COG6: variants seen among roughly 807,000 people sequenced by gnomAD.
COG6 encodes the protein conserved oligomeric Golgi complex subunit 6.
A neutral mutation model predicts 88.8 loss-of-function variants in COG6; 74 were observed. The observed-to-expected ratio is 0.83, with a 90% CI of 0.69 to 1.01. The LOEUF (loss-of-function observed/expected upper bound fraction) is 1.01, where lower values mean the gene tolerates loss of function less well. COG6 is among the 50% of genes least tolerant of loss of function. The pLI, the probability that COG6 is intolerant of heterozygous loss-of-function variation, is 0.00. For missense variants in COG6, 800 were observed against 797.9 expected (o/e 1.00, Z -0.03); for synonymous variants, 286 against 278.7 (o/e 1.03, Z -0.26).
Position 39,679,959 on chromosome 13 carries a change from ATT to A in COG6, c.624-15_624-14del. On this transcript the variant is annotated splice_polypyrimidine_tract_variant and intron_variant, in intron 6 of 18. Transcript: ENST00000455146. ...GTTGACTAAAGTTTAAATTATAATC[ATT>A]AATTTTTTTTTAGTTTAGAAATTAT... is the stretch of plus-strand genomic sequence containing the variant. The A allele has an allele frequency of 7.4e-7, 1 of 1,354,718 alleles. No homozygotes were observed. Among genetic ancestry groups the A allele is most frequent in the Non-Finnish European group, 1.0e-6 (1 of 956,456 alleles). The allele number at this position is 1,354,718 out of a possible 1,614,324, so 83.9% of individuals were successfully genotyped here.
intron 13 of COG6, among the ~76,000 whole-genome samples, chr13:39,704,434 A>G (rs1232096274): frequency 6.6e-6 from 1 of 152,164 alleles, no homozygotes; most frequent in Non-Finnish European, 1.5e-5. Context: ...GTGAAAGGAA[A>G]ATGTTATTAA....
intron 16 of COG6, among the ~76,000 whole-genome samples, chr13:39,723,946 A>G (rs1484589139): frequency 6.6e-6 from 1 of 152,038 alleles, no homozygotes; most frequent in Non-Finnish European, 1.5e-5. Context: ...TTATTAAATT[A>G]TAGAACCCTA....
At chr13:39,779,818 A>C (rs1219889357) in intron 18 of COG6, among the ~76,000 whole-genome samples, 1 of 152,050 alleles carries the variant, frequency 6.6e-6, no homozygotes, top group Non-Finnish European at 1.5e-5. Context: ...CCTCAATTTC[A>C]CCTCTGAGAA....
chr13:39,707,370 G>A (rs966204923), intron 13 of COG6, among the ~76,000 whole-genome samples: 4 of 151,452 alleles, frequency 2.6e-5, no homozygotes, highest in African/African-American at 9.7e-5. Flanking sequence ...CTCATGATCC[G>A]CCCGCCTCAG....
At chr13:39,781,441 GTTTT>G (rs34052593) in intron 18 of COG6, among the ~76,000 whole-genome samples, 1 of 142,138 alleles carries the variant, frequency 7.0e-6, no homozygotes. Context: ...AATGCGGAGG[GTTTT>G]TTTTTTTTTT....
chr13:39,734,833 C>G (rs534489980), intron 18 of COG6, among the ~76,000 whole-genome samples: 66 of 152,038 alleles, frequency 4.3e-4, no homozygotes, highest in African/African-American at 1.6e-3. Flanking sequence ...CTGAATTTAC[C>G]CCTTTATCAT....
At chr13:39,747,825 CTG>C (rs1880421685) in intron 18 of COG6, among the ~76,000 whole-genome samples, 1 of 152,128 alleles carries the variant, frequency 6.6e-6, no homozygotes, top group South Asian at 2.1e-4. Flanking sequence ...TTTTTTATCA[CTG>C]TTACTTGAAA....
chr13:39,692,139 C>A (rs1179134055), intron 11 of COG6, among the ~76,000 whole-genome samples: 1 of 151,872 alleles, frequency 6.6e-6, no homozygotes, highest in African/African-American at 2.4e-5. Flanking sequence ...AAACCTATTG[C>A]CAGTTTAAAG....
At chr13:39,673,840 A>G (rs905959804) in intron 4 of COG6, among the ~76,000 whole-genome samples, 3 of 151,728 alleles carry the variant, frequency 2.0e-5, no homozygotes, top group Non-Finnish European at 4.4e-5. Context: ...TTCCCTTAAT[A>G]TTTTATGTTC....
Position 39,655,698 on chromosome 13 carries a change from T to C in COG6, c.-29T>C. On this transcript the variant is annotated 5_prime_UTR_variant, in exon 1 of 19. Coordinates refer to ENST00000455146, the MANE Select transcript of COG6 (RefSeq NM_020751.3). ...CTCCGTGGTCCCTGCCTGGCTGAGG[T>C]GGCAGCAGGGGGCGGGACGCGCAGC... is the stretch of plus-strand genomic sequence containing the variant. The C allele has an allele frequency of 6.4e-7, 1 of 1,551,310 alleles. No individual in the cohort carries two copies. Among genetic ancestry groups the C allele is most frequent in the South Asian group, 1.2e-5 (1 of 85,446 alleles).
rs1465718729 is a variant in COG6 at position 39,682,268 on chromosome 13, G to A, written c.788+4G>A. ...AGGACAGACCTGTCTTATATAAGTTGGTGACTTTTTCTTAATTAAAAATGA... is the reference window on the plus strand; with the variant it reads ...AGGACAGACCTGTCTTATATAAGTTAGTGACTTTTTCTTAATTAAAAATGA... On this transcript the variant is annotated splice_donor_region_variant and intron_variant, in intron 8 of 18. Coordinates refer to ENST00000455146, the MANE Select transcript of COG6 (RefSeq NM_020751.3). 1 of 1,586,694 alleles carries A rather than the reference G, an allele frequency of 6.3e-7. No homozygotes were observed. Among genetic ancestry groups the A allele is most frequent in the Non-Finnish European group, 8.6e-7 (1 of 1,156,438 alleles).
At chr13:39,713,933 G>T (rs909773711) in intron 13 of COG6, among the ~76,000 whole-genome samples, 1 of 152,168 alleles carries the variant, frequency 6.6e-6, no homozygotes, top group East Asian at 1.9e-4. Flanking sequence ...CTTAGCTTTA[G>T]AAGTGTGGTT....
chr13:39,692,405 C>G (rs1180987533), intron 11 of COG6, among the ~76,000 whole-genome samples: 3 of 151,944 alleles, frequency 2.0e-5, no homozygotes, highest in Admixed American at 1.3e-4. Context: ...GTGTATGCTA[C>G]AGACCTTAGA....
intron 8 of COG6, among the ~76,000 whole-genome samples, chr13:39,683,205 T>A (rs1025060869): frequency 3.9e-5 from 6 of 152,230 alleles, no homozygotes; most frequent in African/African-American, 1.2e-4. Context: ...CTTTATTTTA[T>A]GGAACCAGAG....
At chr13:39,712,827 C>G (rs1221847806) in intron 13 of COG6, among the ~76,000 whole-genome samples, 1 of 152,138 alleles carries the variant, frequency 6.6e-6, no homozygotes, top group African/African-American at 2.4e-5. Context: ...GCTTACCTGC[C>G]CGAGCAAGTA....
intron 18 of COG6, among the ~76,000 whole-genome samples, chr13:39,769,805 G>A (rs900137767): frequency 5.3e-5 from 8 of 152,082 alleles, no homozygotes; most frequent in Non-Finnish European, 1.0e-4. Flanking sequence ...TATAAAATAG[G>A]CATGAGAGAG....
chr13:39,725,035 T>C (rs1431221824), intron 17 of COG6, among the ~76,000 whole-genome samples: 1 of 151,916 alleles, frequency 6.6e-6, no homozygotes, highest in Non-Finnish European at 1.5e-5. Context: ...CAGGTGAAGA[T>C]CTTGTACCTT....
intron 18 of COG6, among the ~76,000 whole-genome samples, chr13:39,729,278 C>G (rs1196824853): frequency 6.6e-6 from 1 of 152,084 alleles, no homozygotes; most frequent in Non-Finnish European, 1.5e-5. Flanking sequence ...TGAGATGGAA[C>G]AGTTTCATCC....
At position 39,760,747 on chromosome 13, in the gene COG6, A is replaced by G. The variant is rs191948399; in HGVS notation, c.1827-27588A>G. Among the ~76,000 whole-genome samples the G allele has an allele frequency of 2.6e-5, 4 of 152,084 alleles. No homozygotes were observed. The East Asian group carries it at 7.7e-4, about 29-fold the overall frequency. On this transcript the variant is annotated intron_variant, in intron 18 of 18. Transcript: ENST00000416691. ...CTTTGGGGAATGGTGCAGAATTAGTATTGCTTCCTTCTTTCTGTGTGTGAT... is the reference window on the plus strand; with the variant it reads ...CTTTGGGGAATGGTGCAGAATTAGTGTTGCTTCCTTCTTTCTGTGTGTGAT...
Sources: allele counts gnomAD v4.1 joint callset (sites outside exome capture counted in the v4.1 genomes callset), GRCh38; gene constraint gnomAD v4.1.1; transcripts MANE v1.5; gene names NCBI Gene and HGNC (gene_info 2026-07-23, HGNC 2026-07-21).